The following CSE1L variants were observed in gnomAD, a reference collection of about 807,000 sequenced individuals.
CSE1L encodes the protein chromosome segregation 1 like, also known as exportin-2.
In CSE1L, 24 loss-of-function variants were observed where a neutral mutation model predicts 120.4. The ratio of observed to expected loss-of-function variants is 0.20; its 90% CI spans 0.14 to 0.28. The LOEUF is 0.28. Among genes scored for constraint, CSE1L ranks in the 10% least tolerant of loss-of-function variants. The probability of loss-of-function intolerance (pLI) is 1.00; values close to 1 mark genes in which losing one functional copy is unlikely to be tolerated. For missense variants in CSE1L, 830 were observed against 1,145.2 expected (o/e 0.72, Z 3.97); for synonymous variants, 402 against 398.3 (o/e 1.01, Z -0.11).
intron 2 of CSE1L, 36 bp downstream of exon 2, chr20:49,058,584 C>T: frequency 6.5e-7 from 1 of 1,528,104 alleles, no homozygotes; most frequent in South Asian, 1.1e-5. Context: ...TGATTAATTC[C>T]TTCAGGACAG....
In CSE1L at chr20:49,085,353, C is replaced by A. The variant is rs772411024; in HGVS notation, c.1690C>A (p.Pro564Thr). Residue 564 changes from proline to threonine, a missense_variant, in exon 16 of 25, where the codon CCT becomes ACT. By Grantham distance (38) the Pro-to-Thr change is conservative (BLOSUM62 -1). This residue lies in a region of CSE1L where 168 missense variants were observed against 267.9 expected (regional missense o/e 0.63). Coordinates refer to ENST00000262982, the MANE Select transcript of CSE1L (RefSeq NM_001316.4). ...AAACCTTTTCAAAGCTCTCACACTT[C>A]CTGGCTCTTCAGAAAATGAATATAT... is the stretch of plus-strand genomic sequence containing the variant. ...LTNLFKALTLPGSSENEYIMK... is the reference protein window; with the variant it reads ...LTNLFKALTLTGSSENEYIMK... 1 of 1,613,744 alleles carries A rather than the reference C, an allele frequency of 6.2e-7. No homozygotes were observed. The highest frequency in any genetic ancestry group is 8.5e-7 in the Non-Finnish European group (1 of 1,179,908).
intron 2 of CSE1L, among the ~76,000 whole-genome samples, chr20:49,061,242 G>T (rs2123677411): frequency 1.5e-5 from 2 of 136,782 alleles, no homozygotes; most frequent in African/African-American, 5.7e-5. Context: ...GCGCCATCTT[G>T]GCTCACTGCA....
chr20:49,072,934 T>C (rs1260548167), intron 10 of CSE1L, among the ~76,000 whole-genome samples: 1 of 152,230 alleles, frequency 6.6e-6, no homozygotes, highest in East Asian at 1.9e-4. Context: ...GAAGATAAAC[T>C]ATCTGGAATT....
At chr20:49,067,329 T>G in intron 6 of CSE1L, 49 bp downstream of exon 6, 2 of 1,208,352 alleles carry the variant, frequency 1.7e-6, no homozygotes, top group Non-Finnish European at 2.4e-6. Flanking sequence ...TTTAAATTGC[T>G]TGAATGTTTG....
chr20:49,073,582 C>T (rs1381946880), intron 10 of CSE1L, among the ~76,000 whole-genome samples: 27 of 152,076 alleles, frequency 1.8e-4, no homozygotes, highest in Admixed American at 1.8e-3. Context: ...ACTTCCCAGG[C>T]TCAAGTCATT....
At chr20:49,065,313 A>ATATTTT (rs2091883182) in intron 3 of CSE1L, among the ~76,000 whole-genome samples, 1 of 52,080 alleles carries the variant, frequency 1.9e-5, no homozygotes, top group Non-Finnish European at 3.7e-5. Flanking sequence ...TGAAAAAAAA[A>ATATTTT]TTTTTTTTTT....
rs1456980962 is a variant in CSE1L, at chr20:49,066,494, C to A, written c.460C>A (p.His154Asn). The change falls in exon 5 of 25, where the codon CAT becomes AAT. Residue 154 changes from histidine (H) to asparagine (N), a missense_variant. Physicochemically the swap from His to Asn is moderately conservative, Grantham distance 68. Around this residue, in one of 4 missense-constraint regions of CSE1L, gnomAD observed 543 missense variants for 640.2 expected, o/e 0.85. Coordinates refer to ENST00000262982, the MANE Select transcript of CSE1L (RefSeq NM_001316.4). ...TATTAATGGAGTCCTCCGTACAGCA[C>A]ATTCATTATTTAAAAGGTATTGATG... ...HVINGVLRTA[H>N]SLFKRYRHEF... 2 of 1,611,186 alleles carry A rather than the reference C, an allele frequency of 1.2e-6. No homozygotes were observed. Among genetic ancestry groups the A allele is most frequent in the Non-Finnish European group, 1.7e-6 (2 of 1,179,050 alleles).
chr20:49,046,469 C>T (rs1203088092), intron 1 of CSE1L, 46 bp downstream of exon 1: 1 of 152,332 alleles, frequency 6.6e-6, no homozygotes, highest in Non-Finnish European at 1.5e-5. Context: ...CTCTTGGGGC[C>T]CAGCTGAGGA....
Position 49,078,721 on chromosome 20 carries a change from C to T in CSE1L, c.1482+99C>T, listed in dbSNP as rs567366971. ...CTGTGCAGTCATTTTATATCCACAT[C>T]TAACAAAATTAACAATGATTTCTTT... On this transcript the variant is annotated intron_variant, in intron 14 of 24. Transcript: ENST00000262982. 14 of 711,628 alleles carry T rather than the reference C, an allele frequency of 2.0e-5. No homozygotes were observed. In the African/African-American group the frequency reaches 2.4e-4, roughly 12 times the overall value. The allele number at this position is 711,628 out of a possible 1,614,324, so 44.1% of individuals were successfully genotyped here.
chr20:49,085,107 G>C (rs2092044736), intron 15 of CSE1L, among the ~76,000 whole-genome samples, 176 bp from the exon 16 acceptor site: 1 of 152,138 alleles, frequency 6.6e-6, no homozygotes, highest in African/African-American at 2.4e-5. Context: ...TGCCTTCTTA[G>C]GAGCCTAACA....
intron 1 of CSE1L, among the ~76,000 whole-genome samples, chr20:49,047,541 T>G (rs541818657): frequency 6.7e-6 from 1 of 148,216 alleles, no homozygotes; most frequent in Non-Finnish European, 1.5e-5. Flanking sequence ...TTTTGTTTTC[T>G]TTTTCTTTTT....
chr20:49,071,809 A>AG (rs2091933760), intron 8 of CSE1L, among the ~76,000 whole-genome samples: 1 of 152,094 alleles, frequency 6.6e-6, no homozygotes. Flanking sequence ...AAAAAAAAAA[A>AG]ATACAAAAAT....
chr20:49,049,857 T>G (rs2091752076), intron 1 of CSE1L, among the ~76,000 whole-genome samples: 1 of 152,190 alleles, frequency 6.6e-6, no homozygotes, highest in Non-Finnish European at 1.5e-5. Flanking sequence ...TGGAACCATG[T>G]CTACAGAAAC....
At chr20:49,055,443 A>G (rs976148683) in intron 1 of CSE1L, among the ~76,000 whole-genome samples, 1 of 152,166 alleles carries the variant, frequency 6.6e-6, no homozygotes, top group African/African-American at 2.4e-5. Context: ...GGGTCCCGGT[A>G]TGGTGGGTCA....
intron 1 of CSE1L, among the ~76,000 whole-genome samples, chr20:49,057,160 TACAAAA>T (rs1477784817): frequency 6.6e-6 from 1 of 152,196 alleles, no homozygotes; most frequent in Admixed American, 6.5e-5. Flanking sequence ...ACCCTGTCTC[TACAAAA>T]TTTTTTTTTT....
intron 24 of CSE1L, 38 bp from the exon 25 acceptor site, chr20:49,096,311 A>G (rs373803488): frequency 2.2e-5 from 33 of 1,522,262 alleles, no homozygotes; most frequent in Non-Finnish European, 3.0e-5. Context: ...GCGCACCAAG[A>G]TCTCCAACAG....
At chr20:49,049,201 A>G (rs1266844103) in intron 1 of CSE1L, among the ~76,000 whole-genome samples, 1 of 152,104 alleles carries the variant, frequency 6.6e-6, no homozygotes, top group Non-Finnish European at 1.5e-5. Flanking sequence ...TTTAAAGGTG[A>G]TAAAAATGAA....
chr20:49,070,371 A>G (rs769785018), intron 8 of CSE1L, 74 bp downstream of exon 8: 36 of 714,756 alleles, frequency 5.0e-5, no homozygotes, highest in Non-Finnish European at 7.3e-5. Flanking sequence ...CTGGAAACCT[A>G]TTTACTCTTG....
Position 49,065,463 on chromosome 20 carries a change from C to A in CSE1L, c.229-729C>A, listed in dbSNP as rs1166054465. 1.3e-5 allele frequency among the ~76,000 whole-genome samples: 2 copies of A among 150,710 alleles called. 1 individual carries two copies. Among genetic ancestry groups the A allele is most frequent in the African/African-American group, 4.9e-5 (2 of 41,088 alleles). ...TCAGCCTCCTGAGTAGTTAGTGTTA[C>A]AGGTGCCCACCACCATGTTCAGCTA... On this transcript the variant is annotated intron_variant, in intron 3 of 24. Coordinates refer to ENST00000262982, the MANE Select transcript of CSE1L (RefSeq NM_001316.4).
Sources: allele counts gnomAD v4.1 joint callset (sites outside exome capture counted in the v4.1 genomes callset), GRCh38; gene constraint gnomAD v4.1.1; regional missense constraint gnomAD v4.1.1; transcripts MANE v1.5; gene names NCBI Gene and HGNC (gene_info 2026-07-23, HGNC 2026-07-21).